Variants in KCNJ6 observed in about 807,000 individuals in gnomAD.
KCNJ6 encodes the protein G protein-activated inward rectifier potassium channel 2.
In KCNJ6, 9 loss-of-function variants were observed where a neutral mutation model predicts 34.2. The observed-to-expected ratio is 0.26, with a 90% CI of 0.16 to 0.46. KCNJ6 has a LOEUF of 0.46. Ranked by LOEUF, KCNJ6 falls within the 20% of genes least tolerant of loss-of-function variation. The pLI, the probability that KCNJ6 is intolerant of heterozygous loss-of-function variation, is 1.00. For missense variants in KCNJ6, 236 were observed against 531.3 expected (o/e 0.44, Z 5.46); for synonymous variants, 196 against 207.1 (o/e 0.95, Z 0.46).
intron 2 of KCNJ6, among the ~76,000 whole-genome samples, chr21:37,796,797 T>TG (rs1255260262): frequency 1.5e-5 from 2 of 135,608 alleles, no homozygotes; most frequent in East Asian, 4.3e-4. Flanking sequence ...TTTTTTTTTT[T>TG]TTTTTTTGAG....
At position 37,633,557 on chromosome 21, in the gene KCNJ6, T is replaced by A. The variant is rs187731245; in HGVS notation, c.947-8073A>T. ...TTTGCAGATAATATAACTGTGTACA[T>A]AGAAAATCCACAAGAGTAGTACAAC... On this transcript the variant is annotated intron_variant, in intron 3 of 3. Coordinates refer to ENST00000609713, the MANE Select transcript of KCNJ6 (RefSeq NM_002240.5). 4.1e-3 allele frequency among the ~76,000 whole-genome samples: 622 copies of A among 152,290 alleles called. 7 individuals are homozygous for A. The highest frequency in any genetic ancestry group is 0.014 in the African/African-American group (587 of 41,574).
At chr21:37,787,924 C>T (rs1400476920) in intron 2 of KCNJ6, among the ~76,000 whole-genome samples, 1 of 152,176 alleles carries the variant, frequency 6.6e-6, no homozygotes, top group African/African-American at 2.4e-5. Context: ...GTTGGAGAAC[C>T]TCTACCCTTA....
At position 37,614,390 on chromosome 21, in the gene KCNJ6, G is replaced by C. The variant is rs1353484929; in HGVS notation, c.*10769C>G. ...TGTGTGTGTGTGTGTGTGTATATCT[G>C]TGTGTGCGTATGCATGTGTCTGTGT... On this transcript the variant is annotated 3_prime_UTR_variant, in exon 4 of 4. Transcript: ENST00000609713. 1 of 151,360 alleles carries C rather than the reference G, an allele frequency of 6.6e-6. No homozygotes were observed. Among genetic ancestry groups the C allele is most frequent in the African/African-American group, 2.4e-5 (1 of 40,866 alleles). 9.4% of individuals were successfully genotyped at this position (151,360 alleles called of 1,614,324 possible). A position where few individuals can be genotyped will look rare whatever the true frequency, so the allele number is the denominator to read the frequency against.
chr21:37,801,787 CAG>C, intron 2 of KCNJ6, among the ~76,000 whole-genome samples: 1 of 152,186 alleles, frequency 6.6e-6, no homozygotes, highest in Middle Eastern at 3.4e-3. Context: ...TTTCCCGACT[CAG>C]AGGACTGTGG....
At chr21:37,853,846 G>GTGTATATATATATATATATATA (rs71198897) in intron 1 of KCNJ6, among the ~76,000 whole-genome samples, 2,243 of 115,810 alleles carry the variant, frequency 0.019, 62 homozygotes, top group South Asian at 0.033. Context: ...ATATATATAT[G>GTGTATATATATATATATATATA]TATATATATA....
At chr21:37,851,298 C>A (rs2055536252) in intron 1 of KCNJ6, among the ~76,000 whole-genome samples, 1 of 152,184 alleles carries the variant, frequency 6.6e-6, no homozygotes, top group Non-Finnish European at 1.5e-5. Flanking sequence ...CCCCTGGAAG[C>A]CAGCTTGTTC....
At chr21:37,699,463 A>G (rs2054679417) in intron 3 of KCNJ6, among the ~76,000 whole-genome samples, 1 of 152,136 alleles carries the variant, frequency 6.6e-6, no homozygotes, top group Admixed American at 6.5e-5. Flanking sequence ...TTAATTAGAA[A>G]CTTCTGGAAA....
Position 37,608,649 on chromosome 21 carries a change from G to A in KCNJ6, c.*16510C>T, listed in dbSNP as rs761738922. On this transcript the variant is annotated 3_prime_UTR_variant, in exon 4 of 4. Coordinates refer to ENST00000609713, the MANE Select transcript of KCNJ6 (RefSeq NM_002240.5). Reference sequence around the variant, plus strand: ...CTAAAACTAGACTCAGTTACTTCACGTGTGAAGTGGGAAGCAGTATTTTCT... The same window carrying A: ...CTAAAACTAGACTCAGTTACTTCACATGTGAAGTGGGAAGCAGTATTTTCT... 2.0e-5 allele frequency: 3 copies of A among 152,220 alleles called. No homozygotes were observed. Among genetic ancestry groups the A allele is most frequent in the Non-Finnish European group, 4.4e-5 (3 of 68,048 alleles). 9.4% of individuals were successfully genotyped at this position (152,220 alleles called of 1,614,324 possible). A position where few individuals can be genotyped will look rare whatever the true frequency, so the allele number is the denominator to read the frequency against.
At chr21:37,744,739 T>C (rs981368256) in intron 2 of KCNJ6, among the ~76,000 whole-genome samples, 2 of 152,132 alleles carry the variant, frequency 1.3e-5, no homozygotes, top group African/African-American at 4.8e-5. Flanking sequence ...CCAGGCTTAT[T>C]TGGAGTATGT....
intron 2 of KCNJ6, among the ~76,000 whole-genome samples, chr21:37,765,502 A>G (rs2055086492): frequency 6.6e-6 from 1 of 152,206 alleles, no homozygotes; most frequent in Admixed American, 6.5e-5. Flanking sequence ...ACATCCTACA[A>G]TGCATATGGC....
chr21:37,848,865 C>T (rs1370086315), intron 1 of KCNJ6, among the ~76,000 whole-genome samples: 1 of 152,128 alleles, frequency 6.6e-6, no homozygotes, highest in Non-Finnish European at 1.5e-5. Context: ...GTGTGTCCTC[C>T]CTGGCTTGAA....
At chr21:37,665,630 C>T (rs1188365175) in intron 3 of KCNJ6, among the ~76,000 whole-genome samples, 1 of 152,156 alleles carries the variant, frequency 6.6e-6, no homozygotes, top group Non-Finnish European at 1.5e-5. Context: ...GCCAACCTTT[C>T]CTTCCTCTCT....
intron 3 of KCNJ6, among the ~76,000 whole-genome samples, chr21:37,629,487 CAAATTA>C (rs1240078630): frequency 1.3e-5 from 2 of 151,948 alleles, no homozygotes; most frequent in Non-Finnish European, 2.9e-5. Context: ...AAGAGTTAAT[CAAATTA>C]AAATAAGGTC....
chr21:37,892,977 C>T (rs1308306199), intron 1 of KCNJ6, among the ~76,000 whole-genome samples: 6 of 151,588 alleles, frequency 4.0e-5, no homozygotes, highest in Non-Finnish European at 7.4e-5. Context: ...CTCAGCCTCC[C>T]GAGTAGCTGG....
intron 3 of KCNJ6, among the ~76,000 whole-genome samples, chr21:37,708,288 A>G (rs1172586902): frequency 6.6e-6 from 1 of 152,242 alleles, no homozygotes; most frequent in Non-Finnish European, 1.5e-5. Flanking sequence ...TTAAGACTCT[A>G]TGTGTGCACC....
intron 2 of KCNJ6, among the ~76,000 whole-genome samples, chr21:37,812,734 C>T: frequency 6.6e-6 from 1 of 152,112 alleles, no homozygotes; most frequent in South Asian, 2.1e-4. Context: ...GATAAAAACC[C>T]TTAAAAACTG....
chr21:37,635,208 A>G (rs546908690), intron 3 of KCNJ6, among the ~76,000 whole-genome samples: 133 of 151,940 alleles, frequency 8.8e-4, no homozygotes, highest in African/African-American at 2.7e-3. Context: ...TTTATATAAT[A>G]TTACTTTATT....
At chr21:37,707,936 C>T (rs1289952143) in intron 3 of KCNJ6, among the ~76,000 whole-genome samples, 1 of 151,950 alleles carries the variant, frequency 6.6e-6, no homozygotes, top group Non-Finnish European at 1.5e-5. Flanking sequence ...TGATGCTGTT[C>T]CTTTGGAAGA....
intron 1 of KCNJ6, among the ~76,000 whole-genome samples, chr21:37,861,257 G>A (rs2055593559): frequency 6.6e-6 from 1 of 152,158 alleles, no homozygotes; most frequent in Non-Finnish European, 1.5e-5. Context: ...TCAAAGTTCT[G>A]GAGGCTGGAA....
Sources: allele counts gnomAD v4.1 joint callset (sites outside exome capture counted in the v4.1 genomes callset), GRCh38; gene constraint gnomAD v4.1.1; transcripts MANE v1.5; gene names NCBI Gene and HGNC (gene_info 2026-07-23, HGNC 2026-07-21).